C12orf42: variants seen among roughly 807,000 people sequenced by gnomAD.
C12orf42 encodes the protein chromosome 12 open reading frame 42, also known as uncharacterized protein C12orf42.
Under a neutral mutation model 21.6 loss-of-function variants are expected in C12orf42, and 25 were observed. The observed-to-expected ratio is 1.16, with a 90% CI of 0.84 to 1.62. C12orf42 has a LOEUF of 1.62. Ranked by LOEUF, C12orf42 falls within the 40% of genes most tolerant of loss-of-function variation. The pLI, the probability that C12orf42 is intolerant of heterozygous loss-of-function variation, is 0.00. For synonymous variants in C12orf42, 174 were observed against 175.0 expected (o/e 0.99, Z 0.05); for missense variants, 483 against 459.3 (o/e 1.05, Z -0.47).
chr12:103,507,243 TATATA>T, the C12orf42 span, among the ~76,000 whole-genome samples: 114 of 62,426 alleles, frequency 1.8e-3, 21 homozygotes, highest in African/African-American at 9.9e-3. Flanking sequence ...ATATATATTA[TATATA>T]ATATATAAAT....
chr12:103,406,421 T>C (rs1461154018), intron 2 of C12orf42, among the ~76,000 whole-genome samples: 1 of 152,178 alleles, frequency 6.6e-6, no homozygotes, highest in Non-Finnish European at 1.5e-5. Context: ...ACCTGGATAG[T>C]GTAATAGATC....
chr12:103,481,639 C>T (rs886695533), intron 1 of C12orf42, among the ~76,000 whole-genome samples: 11 of 116,152 alleles, frequency 9.5e-5, no homozygotes, highest in Admixed American at 7.9e-4. Flanking sequence ...CTAAAATCAA[C>T]ATAAAGCGAG....
upstream of C12orf42, among the ~76,000 whole-genome samples, chr12:103,500,639 GT>G (rs1955695805): frequency 6.6e-6 from 1 of 152,212 alleles, no homozygotes; most frequent in Admixed American, 6.5e-5. Flanking sequence ...GAGAATCAGT[GT>G]CACTTTACTG....
chr12:103,240,789 T>C (rs1356240839), intron 10 of C12orf42, among the ~76,000 whole-genome samples: 1 of 152,210 alleles, frequency 6.6e-6, no homozygotes, highest in Admixed American at 6.5e-5. Flanking sequence ...ATTAAAATTA[T>C]GTGAATGTAC....
At chr12:103,313,932 CA>C (rs1029902684) in intron 4 of C12orf42, among the ~76,000 whole-genome samples, 9 of 152,126 alleles carry the variant, frequency 5.9e-5, no homozygotes, top group African/African-American at 1.9e-4. Context: ...TTGCAATCTA[CA>C]GGGGGAAGGC....
intron 2 of C12orf42, among the ~76,000 whole-genome samples, chr12:103,463,974 T>C (rs911748425): frequency 9.9e-5 from 15 of 152,194 alleles, no homozygotes; most frequent in East Asian, 1.9e-4. Context: ...CAGTCAATCA[T>C]TGATGGGTAT....
the C12orf42 span, among the ~76,000 whole-genome samples, chr12:103,135,098 A>G: frequency 2.0e-5 from 3 of 152,226 alleles, no homozygotes; most frequent in African/African-American, 7.2e-5. Flanking sequence ...CTTAAGGGAC[A>G]ATACGTATCA....
intron 2 of C12orf42, among the ~76,000 whole-genome samples, chr12:103,426,987 C>T (rs898203176): frequency 1.3e-5 from 2 of 152,122 alleles, no homozygotes; most frequent in African/African-American, 4.8e-5. Flanking sequence ...AAAACCAGTA[C>T]CAGCCACTGC....
intron 2 of C12orf42, among the ~76,000 whole-genome samples, chr12:103,469,537 G>C (rs528295314): frequency 3.3e-5 from 5 of 152,212 alleles, no homozygotes; most frequent in African/African-American, 9.6e-5. Flanking sequence ...ATCACTATTT[G>C]TATGCACTGT....
chr12:103,440,270 A>C (rs1413798658), intron 2 of C12orf42, among the ~76,000 whole-genome samples: 1 of 82,666 alleles, frequency 1.2e-5, no homozygotes, highest in South Asian at 5.1e-4. Flanking sequence ...GGGTCGGGGG[A>C]GGGGGGAGGG....
the C12orf42 span, among the ~76,000 whole-genome samples, chr12:103,051,652 G>A: frequency 6.6e-6 from 1 of 152,164 alleles, no homozygotes; most frequent in Admixed American, 6.5e-5. Flanking sequence ...TCCTGACCAT[G>A]GGTGTCAGAC....
chr12:103,432,750 C>T (rs547463459), intron 2 of C12orf42, among the ~76,000 whole-genome samples: 8 of 152,202 alleles, frequency 5.3e-5, no homozygotes, highest in South Asian at 2.1e-4. Flanking sequence ...CTGGCATCCT[C>T]GTATGAAGAA....
the C12orf42 span, among the ~76,000 whole-genome samples, chr12:103,105,028 T>C: frequency 6.6e-6 from 1 of 152,204 alleles, no homozygotes; most frequent in Non-Finnish European, 1.5e-5. Flanking sequence ...ATTTCCACAC[T>C]GCACTGGTAT....
chr12:103,140,567 T>A, the C12orf42 span, among the ~76,000 whole-genome samples: 1 of 151,940 alleles, frequency 6.6e-6, no homozygotes, highest in Non-Finnish European at 1.5e-5. Context: ...TACATAATAG[T>A]CAACAATCTC....
the C12orf42 span, among the ~76,000 whole-genome samples, chr12:103,184,711 A>ACC: frequency 3.5e-4 from 37 of 106,084 alleles, no homozygotes; most frequent in African/African-American, 8.0e-4. Flanking sequence ...CTGAATTGTC[A>ACC]CCCCCCCCCC....
the C12orf42 span, among the ~76,000 whole-genome samples, chr12:103,154,526 T>A: frequency 6.6e-6 from 1 of 152,114 alleles, no homozygotes. Context: ...ATTTCTAACT[T>A]GTACTCTGAG....
At chr12:103,213,929 T>A in the C12orf42 span, among the ~76,000 whole-genome samples, 1 of 152,214 alleles carries the variant, frequency 6.6e-6, no homozygotes, top group African/African-American at 2.4e-5. Context: ...ACCCAGCACA[T>A]GAGCTGAGAA....
chr12:103,346,263 G>A (rs925256140), intron 4 of C12orf42, among the ~76,000 whole-genome samples: 3 of 152,066 alleles, frequency 2.0e-5, no homozygotes, highest in African/African-American at 7.2e-5. Context: ...TGTTATTACT[G>A]CTGTAACTAG....
At chr12:103,464,973 G>A (rs945744070) in intron 2 of C12orf42, among the ~76,000 whole-genome samples, 1 of 152,182 alleles carries the variant, frequency 6.6e-6, no homozygotes, top group African/African-American at 2.4e-5. Context: ...CTGTAGCCTT[G>A]TAGTGTAGTT....
Sources: gnomAD v4.1 joint callset for allele counts (sites outside exome capture counted in the v4.1 genomes callset) on GRCh38, gnomAD v4.1.1 for gene constraint, MANE v1.5 for transcripts, NCBI Gene and HGNC (gene_info 2026-07-23, HGNC 2026-07-21) for gene names.